Variants in TNFRSF6B observed in about 807,000 individuals in gnomAD.
The protein encoded by TNFRSF6B is TNF receptor superfamily member 6b, also known as tumor necrosis factor receptor superfamily member 6B.
TNFRSF6B carries 23 observed loss-of-function variants against 17.9 expected under a neutral mutation model. That is an observed-to-expected ratio of 1.28 (90% confidence interval 0.92 to 1.82). The LOEUF (loss-of-function observed/expected upper bound fraction) is 1.82, where lower values mean the gene tolerates loss of function less well. TNFRSF6B is among the 40% of genes most tolerant of loss of function. TNFRSF6B has a pLI of 0.00. For missense variants in TNFRSF6B, 555 were observed against 437.2 expected (o/e 1.27, Z -2.40); for synonymous variants, 291 against 195.8 (o/e 1.49, Z -4.06).
Position 63,696,731 on chromosome 20 carries a change from C to A in TNFRSF6B, c.-37C>A. 6.6e-7 allele frequency: 1 copy of A among 1,507,322 alleles called. No homozygotes were observed. Among genetic ancestry groups the A allele is most frequent in the Non-Finnish European group, 8.9e-7 (1 of 1,128,326 alleles). 93.4% of individuals were successfully genotyped at this position (1,507,322 alleles called of 1,614,324 possible). ...GTCAGGCACAGCAGGGTCCTGTGTC[C>A]GCGCTGAGCCGCGCTCTCCCTGCTC... On this transcript the variant is annotated 5_prime_UTR_variant, in exon 1 of 3. Coordinates refer to ENST00000369996, the MANE Select transcript of TNFRSF6B (RefSeq NM_003823.4).
At chr20:63,697,789 G>A (rs2091015137) in intron 2 of TNFRSF6B, among the ~76,000 whole-genome samples, 1 of 152,148 alleles carries the variant, frequency 6.6e-6, no homozygotes, top group Non-Finnish European at 1.5e-5. Context: ...CTGCCCGAGG[G>A]GAAGGTGGCT....
rs2258056 is a variant in TNFRSF6B, at chr20:63,697,100, T to C, written c.333T>C (p.Arg111=). Residue 111 remains arginine, a synonymous_variant, in exon 1 of 3, where the codon CGT becomes CGC. Coordinates refer to ENST00000369996, the MANE Select transcript of TNFRSF6B (RefSeq NM_003823.4). ...GGGCTTGCCACGCCACCCACAACCGTGCCTGCCGCTGCCGCACCGGCTTCT... is the reference window on the plus strand; with the variant it reads ...GGGCTTGCCACGCCACCCACAACCGCGCCTGCCGCTGCCGCACCGGCTTCT... ...EARACHATHN[R]ACRCRTGFFA... 388,663 of 1,596,498 alleles carry C rather than the reference T, an allele frequency of 0.24. 52,929 individuals carry two copies. Among genetic ancestry groups the C allele is most frequent in the East Asian group, 0.62 (27,552 of 44,110 alleles).
rs61760055 is a variant in TNFRSF6B, at chr20:63,696,852, G to C, written c.85G>C (p.Gly29Arg). The C allele has an allele frequency of 3.7e-6, 6 of 1,611,526 alleles. No individual in the cohort carries two copies. Among genetic ancestry groups the C allele is most frequent in the South Asian group, 3.3e-5 (3 of 90,926 alleles). Reference sequence around the variant, plus strand: ...CCTGCTGCCGGTGCCGGCTGTACGCGGAGTGGCAGAAACACCCACCTACCC... The same window carrying C: ...CCTGCTGCCGGTGCCGGCTGTACGCCGAGTGGCAGAAACACCCACCTACCC... The part of the protein sequence containing the change: ...PALLPVPAVR[G>R]VAETPTYPWR... The change falls in exon 1 of 3, where the codon GGA (glycine) becomes CGA (arginine). Residue 29 changes from glycine (G) to arginine (R), a missense_variant. By Grantham distance (125) the Gly-to-Arg change is moderately radical (BLOSUM62 -2). Coordinates refer to ENST00000369996, the MANE Select transcript of TNFRSF6B (RefSeq NM_003823.4).
Position 63,696,784 on chromosome 20 carries a change from G to A in TNFRSF6B, c.17G>A (p.Gly6Glu). 2 of 1,600,060 alleles carry A rather than the reference G, an allele frequency of 1.2e-6. No individual in the cohort carries two copies. Among genetic ancestry groups the A allele is most frequent in the Non-Finnish European group, 1.7e-6 (2 of 1,173,610 alleles). Reference sequence around the variant, plus strand: ...GCAAGGACCATGAGGGCGCTGGAGGGGCCAGGCCTGTCGCTGCTGTGCCTG... The same window carrying A: ...GCAAGGACCATGAGGGCGCTGGAGGAGCCAGGCCTGTCGCTGCTGTGCCTG... MRALE[G>E]PGLSLLCLVL... Residue 6 changes from glycine to glutamate, a missense_variant, in exon 1 of 3, where the codon GGG (glycine) becomes GAG (glutamate). Physicochemically the swap from Gly to Glu is moderately conservative, Grantham distance 98. Coordinates refer to ENST00000369996, the MANE Select transcript of TNFRSF6B (RefSeq NM_003823.4).
chr20:63,697,361 G>A lies in TNFRSF6B; in HGVS notation c.458G>A (p.Cys153Tyr). Residue 153 changes from cysteine to tyrosine, a missense_variant, in exon 2 of 3, where the codon TGC becomes TAC. Physicochemically the swap from Cys to Tyr is radical, Grantham distance 194. Transcript: ENST00000369996. The part of the protein sequence containing the change: ...TPSQNTQCQP[C>Y]PPGTFSASSS... Reference sequence around the variant, plus strand: ...AGCCAGAACACGCAGTGCCAGCCGTGCCCCCCAGGCACCTTCTCAGCCAGC... The same window carrying A: ...AGCCAGAACACGCAGTGCCAGCCGTACCCCCCAGGCACCTTCTCAGCCAGC... 1 of 1,612,016 alleles carries A rather than the reference G, an allele frequency of 6.2e-7. No individual in the cohort carries two copies. The highest frequency in any genetic ancestry group is 8.5e-7 in the Non-Finnish European group (1 of 1,179,692).
At position 63,696,808 on chromosome 20, in the gene TNFRSF6B, T is replaced by G; in HGVS notation, c.41T>G (p.Leu14Arg). 6.2e-7 allele frequency: 1 copy of G among 1,608,186 alleles called. No individual in the cohort carries two copies. Among genetic ancestry groups the G allele is most frequent in the Non-Finnish European group, 8.5e-7 (1 of 1,177,768 alleles). ...GGGCCAGGCCTGTCGCTGCTGTGCC[T>G]GGTGTTGGCGCTGCCTGCCCTGCTG... ...LEGPGLSLLC[L>R]VLALPALLPV... Residue 14 changes from leucine to arginine, a missense_variant, in exon 1 of 3, where the codon CTG becomes CGG. Leu to Arg is a moderately radical substitution (Grantham distance 102). Coordinates refer to ENST00000369996, the MANE Select transcript of TNFRSF6B (RefSeq NM_003823.4).
At chr20:63,697,746 G>A (rs6062496) in intron 2 of TNFRSF6B, among the ~76,000 whole-genome samples, 78,077 of 151,970 alleles carry the variant, frequency 0.51, 21,021 homozygotes, top group Middle Eastern at 0.64. Flanking sequence ...CCTCCCCTGG[G>A]GAGCTCTGGG....
In TNFRSF6B at chr20:63,698,621, CT is replaced by C. The variant is rs201921730; in HGVS notation, c.*66del. The C allele has an allele frequency of 1.7e-5, 24 of 1,405,022 alleles. No individual in the cohort carries two copies. The highest frequency in any genetic ancestry group is 3.3e-5 in the South Asian group (2 of 60,912). 87.0% of individuals were successfully genotyped at this position (1,405,022 alleles called of 1,614,324 possible). On this transcript the variant is annotated 3_prime_UTR_variant, in exon 3 of 3. Coordinates refer to ENST00000369996, the MANE Select transcript of TNFRSF6B (RefSeq NM_003823.4). ...GGCACCCCACTTGCACTGAAAGAGG[CT>C]TTTTTTTAAATAGAAGAAATGAGGT... is the stretch of plus-strand genomic sequence containing the variant.
At position 63,698,391 on chromosome 20, in the gene TNFRSF6B, C is replaced by T. The variant is rs561847351; in HGVS notation, c.731C>T (p.Pro244Leu). ...QALEAPEGWG[P>L]TPRAGRAALQ... Reference sequence around the variant, plus strand: ...CTCGAGGCCCCGGAGGGCTGGGGTCCGACACCAAGGGCGGGCCGCGCGGCC... The same window carrying T: ...CTCGAGGCCCCGGAGGGCTGGGGTCTGACACCAAGGGCGGGCCGCGCGGCC... The change falls in exon 3 of 3, where the codon CCG becomes CTG. Residue 244 changes from proline (P) to leucine (L), a missense_variant. Transcript: ENST00000369996. The T allele has an allele frequency of 3.2e-5, 52 of 1,603,060 alleles. 2 individuals are homozygous for T. Among genetic ancestry groups the T allele is most frequent in the South Asian group, 1.9e-4 (17 of 90,324 alleles).
rs1448360184 is a variant in TNFRSF6B at position 63,697,442 on chromosome 20, C to T, written c.539C>T (p.Ala180Val). 6.2e-7 allele frequency: 1 copy of T among 1,602,724 alleles called. No homozygotes were observed. Among genetic ancestry groups the T allele is most frequent in the East Asian group, 2.3e-5 (1 of 44,154 alleles). ...CGCAACTGCACGGCCCTGGGCCTGG[C>T]CCTCAATGTGCCAGGCTCTTCCTCC... ...PHRNCTALGL[A>V]LNVPGSSSHD... is the part of the protein sequence containing the mutation. Residue 180 changes from alanine (A) to valine (V), a missense_variant, in exon 2 of 3, where the codon GCC (alanine) becomes GTC (valine). Coordinates refer to ENST00000369996, the MANE Select transcript of TNFRSF6B (RefSeq NM_003823.4).
Position 63,698,579 on chromosome 20 carries a change from A to G in TNFRSF6B, c.*16A>G. 6.8e-7 allele frequency: 1 copy of G among 1,473,510 alleles called. No individual in the cohort carries two copies. The highest frequency in any genetic ancestry group is 9.0e-7 in the Non-Finnish European group (1 of 1,116,672). 91.3% of individuals were successfully genotyped at this position (1,473,510 alleles called of 1,614,324 possible). On this transcript the variant is annotated 3_prime_UTR_variant, in exon 3 of 3. Transcript: ENST00000369996. ...TGTGCACTGATCCTGGCCCCCTCTT[A>G]TTTATTCTACATCCTTGGCACCCCA...
rs1257507312 is a variant in TNFRSF6B at position 63,697,122 on chromosome 20, T to C, written c.355T>C (p.Phe119Leu). Reference sequence around the variant, plus strand: ...CCGTGCCTGCCGCTGCCGCACCGGCTTCTTCGCGCACGCTGGTTTCTGCTT... The same window carrying C: ...CCGTGCCTGCCGCTGCCGCACCGGCCTCTTCGCGCACGCTGGTTTCTGCTT... ...HNRACRCRTG[F>L]FAHAGFCLEH... Residue 119 changes from phenylalanine to leucine, a missense_variant, in exon 1 of 3, where the codon TTC (phenylalanine) becomes CTC (leucine). Transcript: ENST00000369996. The C allele has an allele frequency of 4.4e-6, 7 of 1,596,258 alleles. No individual in the cohort carries two copies. The South Asian group carries it at 6.7e-5, about 15-fold the overall frequency.
At chr20:63,698,230 AGT>A (rs1568732943) in intron 2 of TNFRSF6B, 48 bp from the exon 3 acceptor site, 8 of 1,595,692 alleles carry the variant, frequency 5.0e-6, no homozygotes, top group East Asian at 4.6e-5. Context: ...AGCCCCCGCC[AGT>A]GTGTGTGGGT....
At chr20:63,697,300 T>C in intron 1 of TNFRSF6B, 28 bp from the exon 2 acceptor site, 1 of 1,599,434 alleles carries the variant, frequency 6.3e-7, no homozygotes, top group African/African-American at 1.3e-5. Flanking sequence ...CCAGTTCCCC[T>C]GACCCTGTTC....
At position 63,697,005 on chromosome 20, in the gene TNFRSF6B, C is replaced by T; in HGVS notation, c.238C>T (p.Gln80Ter). The part of the protein sequence containing the change: ...CGPCPPRHYT[Q>*]FWNYLERCRY... ...CCCGTGTCCACCGCGCCACTACACG[C>T]AGTTCTGGAACTACCTAGAGCGCTG... is the stretch of plus-strand genomic sequence containing the variant. Residue 80 changes from glutamine (Q) to a stop codon, truncating the protein, a stop_gained, in exon 1 of 3, where the codon CAG (glutamine) becomes TAG (stop). Transcript: ENST00000369996. LOFTEE classifies it high-confidence loss of function. The T allele has an allele frequency of 6.2e-7, 1 of 1,609,226 alleles. No homozygotes were observed. Among genetic ancestry groups the T allele is most frequent in the South Asian group, 1.1e-5 (1 of 90,998 alleles).
Position 63,697,102 on chromosome 20 carries a change from C to CCG in TNFRSF6B, c.336_337insGC (p.Cys113AlafsTer27). 1 of 1,601,010 alleles carries CCG rather than the reference C, an allele frequency of 6.2e-7. No individual in the cohort carries two copies. The highest frequency in any genetic ancestry group is 8.5e-7 in the Non-Finnish European group (1 of 1,176,794). On this transcript the variant is annotated frameshift_variant, in exon 1 of 3. Transcript: ENST00000369996. LOFTEE classifies it high-confidence loss of function. Reference sequence around the variant, plus strand: ...GCTTGCCACGCCACCCACAACCGTGCCTGCCGCTGCCGCACCGGCTTCTTC... The same window carrying CCG: ...GCTTGCCACGCCACCCACAACCGTGCCGCTGCCGCTGCCGCACCGGCTTCTTC...
rs772115276 is a variant in TNFRSF6B, at chr20:63,698,373, C to A, written c.713C>A (p.Ala238Asp). 7.5e-6 allele frequency: 12 copies of A among 1,608,218 alleles called. No individual in the cohort carries two copies. The South Asian group carries it at 1.2e-4, about 16-fold the overall frequency. The change falls in exon 3 of 3, where the codon GCC (alanine) becomes GAC (aspartate). Residue 238 changes from alanine to aspartate, a missense_variant. Transcript: ENST00000369996. ...CAGCGGCTGCTGCAGGCCCTCGAGG[C>A]CCCGGAGGGCTGGGGTCCGACACCA... The part of the protein sequence containing the change: ...RLQRLLQALE[A>D]PEGWGPTPRA...
At position 63,697,091 on chromosome 20, in the gene TNFRSF6B, C is replaced by T; in HGVS notation, c.324C>T (p.Thr108=). The T allele has an allele frequency of 6.2e-7, 1 of 1,602,520 alleles. No individual in the cohort carries two copies. Among genetic ancestry groups the T allele is most frequent in the Non-Finnish European group, 8.5e-7 (1 of 1,177,764 alleles). ...REEEARACHA[T]HNRACRCRTG... ...AGGAGGCACGGGCTTGCCACGCCAC[C>T]CACAACCGTGCCTGCCGCTGCCGCA... Residue 108 remains threonine (T), a synonymous_variant, in exon 1 of 3, where the codon ACC becomes ACT. Transcript: ENST00000369996.
rs764404347 is a variant in TNFRSF6B, at chr20:63,698,294, G to A, written c.634G>A (p.Glu212Lys). 3.7e-6 allele frequency: 6 copies of A among 1,610,906 alleles called. No homozygotes were observed. The highest frequency in any genetic ancestry group is 1.7e-5 in the Admixed American group (1 of 59,940). Residue 212 changes from glutamate (E) to lysine (K), a missense_variant, in exon 3 of 3, where the codon GAG (glutamate) becomes AAG (lysine). Transcript: ENST00000369996. ...STRVPGAEEC[E>K]RAVIDFVAFQ... ...CCCCACTGCAGGAGCTGAGGAGTGTGAGCGTGCCGTCATCGACTTTGTGGC... is the reference window on the plus strand; with the variant it reads ...CCCCACTGCAGGAGCTGAGGAGTGTAAGCGTGCCGTCATCGACTTTGTGGC...
Sources: gnomAD v4.1 joint callset for allele counts (sites outside exome capture counted in the v4.1 genomes callset) on GRCh38, gnomAD v4.1.1 for gene constraint, MANE v1.5 for transcripts, NCBI Gene and HGNC (gene_info 2026-07-23, HGNC 2026-07-21) for gene names.